DHRSX: variants seen among roughly 807,000 people sequenced by gnomAD.
DHRSX encodes dehydrogenase/reductase X-linked.
Under a neutral mutation model 34.0 loss-of-function variants are expected in DHRSX, and 31 were observed. The ratio of observed to expected loss-of-function variants is 0.91; its 90% confidence interval spans 0.69 to 1.23. The LOEUF (loss-of-function observed/expected upper bound fraction) is 1.23. DHRSX is among the 50% of genes most tolerant of loss of function. DHRSX has a pLI of 0.00. For missense variants in DHRSX, 414 were observed against 428.1 expected (o/e 0.97, Z 0.29); for synonymous variants, 201 against 183.8 (o/e 1.09, Z -0.76).
At chrX:2,259,238 A>G (rs775773382) in intron 5 of DHRSX, among the ~76,000 whole-genome samples, 1 of 151,644 alleles carries the variant, frequency 6.6e-6, no homozygotes, top group Non-Finnish European at 1.5e-5. Context: ...GCACCACTGC[A>G]TTGCAGCCTG....
intron 4 of DHRSX, among the ~76,000 whole-genome samples, chrX:2,270,816 G>A (rs187103658): frequency 4.5e-4 from 69 of 152,276 alleles, no homozygotes; most frequent in African/African-American, 1.6e-3. Flanking sequence ...GCACCAATCA[G>A]CACTCTAAAA....
rs201746870 is a variant in DHRSX at position 2,243,243 on chromosome X, CAGG to C, written c.597-16_597-14del. The C allele has an allele frequency of 5.0e-3, 8,111 of 1,612,442 alleles. 386 individuals carry two copies. The African/African-American group carries it at 0.095, about 19-fold the overall frequency. On this transcript the variant is annotated splice_polypyrimidine_tract_variant and intron_variant, in intron 5 of 6. Coordinates refer to ENST00000334651, the MANE Select transcript of DHRSX (RefSeq NM_145177.3). ...TGAGTAGCAGGCACTGTGGGGCAAGCAGGAGAAGGTGTAAGAGGCTGACGGCGT... is the reference window on the plus strand; with the variant it reads ...TGAGTAGCAGGCACTGTGGGGCAAGCAGAAGGTGTAAGAGGCTGACGGCGT...
chrX:2,454,013 T>C lies in DHRSX; in HGVS notation c.110-28709A>G, dbSNP rs374613954. Among the ~76,000 whole-genome samples, 708 of 152,156 alleles carry C rather than the reference T, an allele frequency of 4.7e-3. 5 individuals are homozygous for C. Among genetic ancestry groups the C allele is most frequent in the African/African-American group, 0.016 (667 of 41,556 alleles). On this transcript the variant is annotated intron_variant, in intron 1 of 6. Coordinates refer to ENST00000334651, the MANE Select transcript of DHRSX (RefSeq NM_145177.3). ...TGTGTACTTGGATTAAAACATTACATTGTACCATATATATGTATACAATTA... is the reference window on the plus strand; with the variant it reads ...TGTGTACTTGGATTAAAACATTACACTGTACCATATATATGTATACAATTA...
intron 5 of DHRSX, 124 bp from the exon 6 acceptor site, chrX:2,243,354 T>C (rs73183472): frequency 1.8e-5 from 13 of 736,068 alleles, no homozygotes; most frequent in East Asian, 5.4e-5. Context: ...CCTAGACCCA[T>C]GTGTGATCAT....
At chrX:2,481,105 T>G (rs915859001) in intron 1 of DHRSX, among the ~76,000 whole-genome samples, 4 of 152,196 alleles carry the variant, frequency 2.6e-5, no homozygotes, top group Non-Finnish European at 4.4e-5. Flanking sequence ...GTTAATAATA[T>G]GGTAACCAGC....
At chrX:2,466,759 C>A (rs1156684683) in intron 1 of DHRSX, among the ~76,000 whole-genome samples, 1 of 151,964 alleles carries the variant, frequency 6.6e-6, no homozygotes, top group Non-Finnish European at 1.5e-5. Flanking sequence ...GCGCACGTCC[C>A]CCTCAACCTG....
chrX:2,412,433 A>C (rs1041598822), intron 2 of DHRSX, among the ~76,000 whole-genome samples: 1 of 151,754 alleles, frequency 6.6e-6, no homozygotes, highest in African/African-American at 2.4e-5. Context: ...AGGAGACTAT[A>C]GTTTGATGTT....
intron 5 of DHRSX, among the ~76,000 whole-genome samples, chrX:2,251,219 T>C (rs140541917): frequency 0.021 from 3,224 of 152,254 alleles, 112 homozygotes; most frequent in African/African-American, 0.072. Flanking sequence ...TAGGAATAAA[T>C]AGTAACTTCT....
chrX:2,228,910 G>T lies in DHRSX; in HGVS notation c.805-7681C>A, dbSNP rs187359932. ...AGGGCTTCCCTTTGTCCTTGGGACG[G>T]ATCCCCTGTGCTGTCTGCAAGGAAA... On this transcript the variant is annotated intron_variant, in intron 6 of 6. Transcript: ENST00000334651. Among the ~76,000 whole-genome samples the T allele has an allele frequency of 2.0e-5, 3 of 152,222 alleles. No homozygotes were observed. In the East Asian group the frequency reaches 5.8e-4, roughly 29 times the overall value.
At chrX:2,320,959 T>A (rs993781277) in intron 3 of DHRSX, among the ~76,000 whole-genome samples, 7 of 151,948 alleles carry the variant, frequency 4.6e-5, no homozygotes, top group Non-Finnish European at 1.0e-4. Context: ...CACTTCAGAG[T>A]GTTCGCAACA....
chrX:2,428,206 A>G (rs1039615826), intron 1 of DHRSX, among the ~76,000 whole-genome samples: 7 of 152,212 alleles, frequency 4.6e-5, no homozygotes, highest in Non-Finnish European at 1.0e-4. Context: ...CATTACCACT[A>G]TGCAATATAT....
intron 1 of DHRSX, among the ~76,000 whole-genome samples, chrX:2,435,304 A>G (rs1460381210): frequency 1.3e-5 from 2 of 152,184 alleles, no homozygotes; most frequent in East Asian, 3.9e-4. Context: ...ACATAAGATC[A>G]ATGCATTATT....
intron 6 of DHRSX, among the ~76,000 whole-genome samples, chrX:2,237,398 G>T (rs1242862110): frequency 1.3e-5 from 2 of 152,010 alleles, no homozygotes; most frequent in Non-Finnish European, 2.9e-5. Context: ...CTGCAAATTT[G>T]TTCATTTTGA....
chrX:2,432,055 G>T (rs994253829), intron 1 of DHRSX, among the ~76,000 whole-genome samples: 2 of 152,106 alleles, frequency 1.3e-5, no homozygotes, highest in African/African-American at 4.8e-5. Context: ...GCTGGGCGTG[G>T]TGGTGTGTGC....
chrX:2,469,929 C>T (rs747277688), intron 1 of DHRSX, among the ~76,000 whole-genome samples: 2 of 152,172 alleles, frequency 1.3e-5, no homozygotes, highest in Admixed American at 1.3e-4. Flanking sequence ...GGAAATCAGC[C>T]CATCAATGGG....
At chrX:2,338,197 G>T (rs1229525369) in intron 3 of DHRSX, among the ~76,000 whole-genome samples, 1 of 151,742 alleles carries the variant, frequency 6.6e-6, no homozygotes, top group Admixed American at 6.6e-5. Flanking sequence ...GCCAGGCATG[G>T]TGGTGCGCGC....
At chrX:2,423,542 T>TG (rs2043807455) in intron 2 of DHRSX, among the ~76,000 whole-genome samples, 1 of 152,136 alleles carries the variant, frequency 6.6e-6, no homozygotes, top group African/African-American at 2.4e-5. Context: ...CAGTGAGCTA[T>TG]GATTATGTCA....
intron 3 of DHRSX, among the ~76,000 whole-genome samples, chrX:2,348,211 G>T (rs1473843509): frequency 1.3e-5 from 2 of 152,198 alleles, no homozygotes; most frequent in Non-Finnish European, 2.9e-5. Context: ...TCTGCAGGAA[G>T]AGGAGACCCC....
At position 2,221,067 on chromosome X, in the gene DHRSX, T is replaced by A; in HGVS notation, c.967A>T (p.Thr323Ser). The change falls in exon 7 of 7, where the codon ACT becomes TCT. Residue 323 changes from threonine to serine, a missense_variant. Thr to Ser is a moderately conservative substitution (Grantham distance 58, BLOSUM62 1). Transcript: ENST00000334651. Reference protein sequence around the residue: ...QQLWSKSCEMTGVLDVTL With the variant: ...QQLWSKSCEMSGVLDVTL ...CACAGGGTCACATCAAGGACCCCAG[T>A]CATCTCACAACTCTTAGACCACAGC... 6.2e-7 allele frequency: 1 copy of A among 1,613,850 alleles called. No individual in the cohort carries two copies. The highest frequency in any genetic ancestry group is 8.5e-7 in the Non-Finnish European group (1 of 1,179,814).
Sources: gnomAD v4.1 joint callset for allele counts (sites outside exome capture counted in the v4.1 genomes callset) on GRCh38, gnomAD v4.1.1 for gene constraint, MANE v1.5 for transcripts, NCBI Gene and HGNC (gene_info 2026-07-23, HGNC 2026-07-21) for gene names.